SGK1: variants seen among roughly 807,000 people sequenced by gnomAD.
The protein encoded by SGK1 is serine/threonine-protein kinase Sgk1.
SGK1 carries 26 observed loss-of-function variants against 64.2 expected under a neutral mutation model. The ratio of observed to expected loss-of-function variants is 0.40; its 90% CI spans 0.30 to 0.56. SGK1 has a LOEUF of 0.56. Among genes scored for constraint, SGK1 ranks in the 20% least tolerant of loss-of-function variants. The probability of loss-of-function intolerance (pLI) is 0.38; values close to 1 mark genes in which losing one functional copy is unlikely to be tolerated. For missense variants in SGK1, 519 were observed against 645.6 expected (o/e 0.80, Z 2.12); for synonymous variants, 265 against 239.7 (o/e 1.11, Z -0.98).
chr6:134,267,172 A>AT (rs558476294), intron 1 of SGK1, among the ~76,000 whole-genome samples: 2 of 150,670 alleles, frequency 1.3e-5, no homozygotes, highest in South Asian at 2.1e-4. Context: ...ACAAAATAAA[A>AT]TTTTTTTTAA....
At chr6:134,272,061 C>T (rs908340679) in intron 1 of SGK1, among the ~76,000 whole-genome samples, 5 of 146,182 alleles carry the variant, frequency 3.4e-5, no homozygotes, top group African/African-American at 1.2e-4. Flanking sequence ...AGGCTGGTCT[C>T]GAACTCCTGA....
At chr6:134,237,687 A>C (rs566984195) in intron 2 of SGK1, among the ~76,000 whole-genome samples, 9 of 152,264 alleles carry the variant, frequency 5.9e-5, no homozygotes, top group East Asian at 3.9e-4. Flanking sequence ...AAAACTAATA[A>C]ATAAATAATA....
intron 1 of SGK1, among the ~76,000 whole-genome samples, chr6:134,270,841 C>T (rs892761258): frequency 6.1e-5 from 9 of 148,174 alleles, no homozygotes; most frequent in African/African-American, 2.2e-4. Context: ...CAGTGCTTGC[C>T]TGTTCTTCTA....
intron 2 of SGK1, among the ~76,000 whole-genome samples, chr6:134,212,734 A>G (rs1383694730): frequency 2.0e-5 from 3 of 152,226 alleles, no homozygotes; most frequent in Non-Finnish European, 4.4e-5. Context: ...CATGGGAGTA[A>G]AGAATGCTTT....
intron 2 of SGK1, among the ~76,000 whole-genome samples, chr6:134,242,655 G>A (rs1048631618): frequency 6.6e-6 from 1 of 150,792 alleles, no homozygotes; most frequent in Non-Finnish European, 1.5e-5. Context: ...TTTAGAAATG[G>A]GGTCTTGCTA....
At chr6:134,280,349 CAG>C (rs1213339259) in intron 1 of SGK1, among the ~76,000 whole-genome samples, 1 of 152,076 alleles carries the variant, frequency 6.6e-6, no homozygotes, top group African/African-American at 2.4e-5. Flanking sequence ...TGAAGGCAAA[CAG>C]AAATTCCTAA....
intron 3 of SGK1, among the ~76,000 whole-genome samples, chr6:134,206,991 C>A (rs1020541902): frequency 3.3e-5 from 5 of 151,242 alleles, no homozygotes; most frequent in African/African-American, 1.2e-4. Flanking sequence ...TTTGGGAGGC[C>A]GAGGCGGGCG....
chr6:134,290,618 G>T lies in SGK1; in HGVS notation c.69+26774C>A, dbSNP rs570725934. The stretch of plus-strand genomic sequence containing the variant: ...AAGGACCCGTAGAAGCAATAACTTA[G>T]GGGAGGAAAATGGCAGGGCGCTGCA... On this transcript the variant is annotated intron_variant, in intron 1 of 13. Transcript: ENST00000367858. Among the ~76,000 whole-genome samples the T allele has an allele frequency of 4.6e-5, 7 of 152,204 alleles. No individual in the cohort carries two copies. The East Asian group carries it at 1.4e-3, about 29-fold the overall frequency.
intron 3 of SGK1, among the ~76,000 whole-genome samples, chr6:134,180,542 T>C (rs1469721232): frequency 1.3e-5 from 2 of 151,796 alleles, no homozygotes; most frequent in Non-Finnish European, 2.9e-5. Flanking sequence ...ATTGGAAAAA[T>C]TTGTAAGTCA....
At chr6:134,223,260 CG>C (rs1301642668) in intron 2 of SGK1, among the ~76,000 whole-genome samples, 1 of 151,264 alleles carries the variant, frequency 6.6e-6, no homozygotes, top group East Asian at 2.0e-4. Context: ...CCCAGCTTCT[CG>C]GGGGGCTGAG....
At chr6:134,205,623 C>T (rs969599559) in intron 3 of SGK1, among the ~76,000 whole-genome samples, 1 of 152,172 alleles carries the variant, frequency 6.6e-6, no homozygotes, top group African/African-American at 2.4e-5. Context: ...TCTCCATTCT[C>T]CTAGCCTTGG....
At position 134,192,243 on chromosome 6, in the gene SGK1, G is replaced by A. The variant is rs1000324318; in HGVS notation, c.361+15113C>T. Among the ~76,000 whole-genome samples, 89 of 152,212 alleles carry A rather than the reference G, an allele frequency of 5.8e-4. 1 individual carries two copies. The highest frequency in any genetic ancestry group is 2.0e-3 in the African/African-American group (85 of 41,550). On this transcript the variant is annotated intron_variant, in intron 3 of 13. Coordinates refer to ENST00000367858, the MANE Select transcript of SGK1 (RefSeq NM_001143676.3). Reference sequence around the variant, plus strand: ...GCCTCCCAAAGTGCTGGGATTACAGGCGTGGGTCACCATGCCCGGCCTAAG... The same window carrying A: ...GCCTCCCAAAGTGCTGGGATTACAGACGTGGGTCACCATGCCCGGCCTAAG...
intron 1 of SGK1, among the ~76,000 whole-genome samples, chr6:134,263,392 A>C (rs1442097070): frequency 1.4e-5 from 2 of 147,666 alleles, no homozygotes; most frequent in Admixed American, 6.8e-5. Context: ...TCGCACCATC[A>C]CACTACTAAT....
Position 134,232,421 on chromosome 6 carries a change from A to AAGAGAGAG in SGK1, c.286-24991_286-24990insCTCTCTCT, listed in dbSNP as rs762251415. Among the ~76,000 whole-genome samples, 116 of 44,516 alleles carry AAGAGAGAG rather than the reference A, an allele frequency of 2.6e-3. 13 individuals are homozygous for AAGAGAGAG. The highest frequency in any genetic ancestry group is 0.01 in the Middle Eastern group (1 of 98). The allele number at this position is 44,516 out of a possible 152,430, so 29.2% of individuals were successfully genotyped here. ...GAAGAAAAAGAAAGAAAGAGAAAGA[A>AAGAGAGAG]AGAAAGAAAGAAAGAAAGAAAGAAA... On this transcript the variant is annotated intron_variant, in intron 2 of 13. Transcript: ENST00000367858.
chr6:134,306,738 G>A (rs1161666088), intron 1 of SGK1, among the ~76,000 whole-genome samples: 3 of 151,750 alleles, frequency 2.0e-5, no homozygotes, highest in Non-Finnish European at 4.4e-5. Flanking sequence ...TTCCCCAGCT[G>A]GTCTCGAATC....
At chr6:134,277,630 T>C (rs1777036995) in intron 1 of SGK1, among the ~76,000 whole-genome samples, 1 of 152,116 alleles carries the variant, frequency 6.6e-6, no homozygotes, top group Non-Finnish European at 1.5e-5. Flanking sequence ...TGGAGCTCTC[T>C]ACAGTATTGT....
intron 2 of SGK1, among the ~76,000 whole-genome samples, chr6:134,242,745 G>A (rs758641417): frequency 1.3e-5 from 2 of 151,806 alleles, no homozygotes; most frequent in Admixed American, 6.6e-5. Context: ...GATTACAGGC[G>A]TGAGCCACTG....
intron 1 of SGK1, among the ~76,000 whole-genome samples, chr6:134,276,079 T>G (rs1037591541): frequency 5.9e-5 from 9 of 152,322 alleles, no homozygotes; most frequent in African/African-American, 1.9e-4. Flanking sequence ...TTATTCCTGC[T>G]CTATTTTCTG....
chr6:134,278,520 A>G (rs1237763564), intron 1 of SGK1, among the ~76,000 whole-genome samples: 1 of 152,216 alleles, frequency 6.6e-6, no homozygotes, highest in Non-Finnish European at 1.5e-5. Flanking sequence ...GAAATTGCAC[A>G]GTACACTCAA....
Sources: allele counts gnomAD v4.1 joint callset (sites outside exome capture counted in the v4.1 genomes callset), GRCh38; gene constraint gnomAD v4.1.1; transcripts MANE v1.5; gene names NCBI Gene and HGNC (gene_info 2026-07-23, HGNC 2026-07-21).